NCLN: variants seen among roughly 807,000 people sequenced by gnomAD.
NCLN encodes the protein nicalin.
Under a neutral mutation model 69.5 loss-of-function variants are expected in NCLN, and 34 were observed. The ratio of observed to expected loss-of-function variants is 0.49; its 90% confidence interval spans 0.37 to 0.65. NCLN has a LOEUF of 0.65. NCLN is among the 30% of genes least tolerant of loss of function. The pLI is 0.00. For missense variants in NCLN, 710 were observed against 804.8 expected (o/e 0.88, Z 1.42); for synonymous variants, 393 against 358.3 (o/e 1.10, Z -1.09).
At chr19:3,194,336 T>C (rs1599351635) in intron 3 of NCLN, among the ~76,000 whole-genome samples, 1 of 151,926 alleles carries the variant, frequency 6.6e-6, no homozygotes. Flanking sequence ...TGAGCTGAGG[T>C]CACACCATTG....
intron 1 of NCLN, among the ~76,000 whole-genome samples, chr19:3,189,697 C>T (rs1568309240): frequency 6.6e-6 from 1 of 152,362 alleles, no homozygotes; most frequent in South Asian, 2.1e-4. Context: ...CGCAGAGGGC[C>T]GTGTCCACAC....
At chr19:3,194,462 A>G (rs369083361) in intron 3 of NCLN, among the ~76,000 whole-genome samples, 5 of 152,134 alleles carry the variant, frequency 3.3e-5, no homozygotes, top group Non-Finnish European at 7.4e-5. Context: ...GCCAGGGGCC[A>G]CCTGTTTTTG....
At chr19:3,192,820 C>T (rs994132470) in intron 2 of NCLN, among the ~76,000 whole-genome samples, 160 bp downstream of exon 2, 1 of 152,188 alleles carries the variant, frequency 6.6e-6, no homozygotes, top group Admixed American at 6.5e-5. Flanking sequence ...GTGATTCTGT[C>T]TTCAGAGGAC....
chr19:3,199,849 C>T (rs1435434301), intron 5 of NCLN, among the ~76,000 whole-genome samples: 1 of 151,732 alleles, frequency 6.6e-6, no homozygotes, highest in Non-Finnish European at 1.5e-5. Flanking sequence ...CACAGGCACC[C>T]GCCACCACAC....
At chr19:3,193,246 C>T (rs1915876197) in intron 2 of NCLN, 38 bp from the exon 3 acceptor site, 2 of 1,558,128 alleles carry the variant, frequency 1.3e-6, no homozygotes, top group East Asian at 5.0e-5. Flanking sequence ...CCACCCCCAC[C>T]AGGCCAGCAG....
intron 1 of NCLN, 52 bp downstream of exon 1, chr19:3,186,266 A>C: frequency 7.1e-7 from 1 of 1,400,542 alleles, no homozygotes; most frequent in Non-Finnish European, 9.3e-7. Flanking sequence ...CGGCCACGCC[A>C]CTCCGGCCCG....
intron 12 of NCLN, among the ~76,000 whole-genome samples, chr19:3,206,778 C>T (rs1348445446): frequency 6.6e-6 from 1 of 152,198 alleles, no homozygotes; most frequent in Non-Finnish European, 1.5e-5. Context: ...GGAGACCAAC[C>T]TGGGCAACAT....
At position 3,207,438 on chromosome 19, in the gene NCLN, C is replaced by T; in HGVS notation, c.1601C>T (p.Ala534Val). 1 of 1,613,048 alleles carries T rather than the reference C, an allele frequency of 6.2e-7. No homozygotes were observed. The highest frequency in any genetic ancestry group is 1.1e-5 in the South Asian group (1 of 91,086). ...FDLLLAVGIA[A>V]YLGMAYVAVQ... Reference sequence around the variant, plus strand: ...CTGCTCCTGGCTGTTGGCATTGCTGCCTACCTCGGCATGGCCTACGTGGCT... The same window carrying T: ...CTGCTCCTGGCTGTTGGCATTGCTGTCTACCTCGGCATGGCCTACGTGGCT... Residue 534 changes from alanine (A) to valine (V), a missense_variant, in exon 14 of 15, where the codon GCC (alanine) becomes GTC (valine). Transcript: ENST00000246117.
chr19:3,194,274 T>C (rs535574523), intron 3 of NCLN, among the ~76,000 whole-genome samples: 19 of 152,144 alleles, frequency 1.2e-4, no homozygotes, highest in African/African-American at 4.1e-4. Context: ...TTCCAGCAAC[T>C]TGGGAGGCTG....
At chr19:3,192,760 C>T (rs1915860977) in intron 2 of NCLN, 100 bp downstream of exon 2, 1 of 1,132,778 alleles carries the variant, frequency 8.8e-7, no homozygotes, top group Admixed American at 3.3e-5. Context: ...CTCTCTGAGC[C>T]CTTTGGAAAG....
Position 3,207,771 on chromosome 19 carries a change from G to T in NCLN, c.*83G>T. 7.8e-7 allele frequency: 1 copy of T among 1,280,414 alleles called. No homozygotes were observed. The highest frequency in any genetic ancestry group is 1.2e-5 in the South Asian group (1 of 80,864). The allele number at this position is 1,280,414 out of a possible 1,614,324, so 79.3% of individuals were successfully genotyped here. ...GAGTGAGTGGACACTGCCCCGCCGC[G>T]GGCGGCCCTGCAGGGACAGGGGCCC... On this transcript the variant is annotated 3_prime_UTR_variant, in exon 15 of 15. Transcript: ENST00000246117.
Position 3,193,298 on chromosome 19 carries a change from C to T in NCLN, c.390C>T (p.Ile130=), listed in dbSNP as rs76704462. 1.0e-3 allele frequency: 1,607 copies of T among 1,611,944 alleles called. 7 individuals carry two copies. In the African/African-American group the frequency reaches 0.018, roughly 18 times the overall value. ...CTGCTCCACAGCAATTCATGGAGAT[C>T]GAGCCGGAGATGCTGGCCATGGAGA... The part of the protein sequence containing the change: ...PQDVVRQFME[I]EPEMLAMETA... Residue 130 remains isoleucine (I), a synonymous_variant, in exon 3 of 15, where the codon ATC becomes ATT. Coordinates refer to ENST00000246117, the MANE Select transcript of NCLN (RefSeq NM_020170.4).
At chr19:3,196,593 C>G (rs900891554) in intron 4 of NCLN, among the ~76,000 whole-genome samples, 1 of 152,130 alleles carries the variant, frequency 6.6e-6, no homozygotes, top group African/African-American at 2.4e-5. Flanking sequence ...GCTGCCCCTC[C>G]CAGGAAGCCC....
chr19:3,196,309 C>G, intron 4 of NCLN, 32 bp downstream of exon 4: 1 of 1,476,660 alleles, frequency 6.8e-7, no homozygotes, highest in Non-Finnish European at 9.2e-7. Context: ...GCCAGCCCCA[C>G]GTCCCCAGGG....
Position 3,206,162 on chromosome 19 carries a change from C to A in NCLN, c.1307C>A (p.Pro436Gln). Residue 436 changes from proline (P) to glutamine (Q), a missense_variant, in exon 11 of 15, where the codon CCA (proline) becomes CAA (glutamine). Transcript: ENST00000246117. ...IYNLTEKGTPPDMPVFTEQMQ... is the reference protein window; with the variant it reads ...IYNLTEKGTPQDMPVFTEQMQ... ...CTCCTCTCTCCGCAGGGGACACCCC[C>A]AGACATGCCGGTGTTCACAGAGCAG... The A allele has an allele frequency of 6.6e-7, 1 of 1,509,542 alleles. No homozygotes were observed. The highest frequency in any genetic ancestry group is 8.9e-7 in the Non-Finnish European group (1 of 1,129,378). 93.5% of individuals were successfully genotyped at this position (1,509,542 alleles called of 1,614,324 possible). A position where few individuals can be genotyped will look rare whatever the true frequency, so the allele number is the denominator to read the frequency against.
Position 3,206,134 on chromosome 19 carries a change from C to T in NCLN, c.1297-18C>T, listed in dbSNP as rs1050825317. The T allele has an allele frequency of 2.0e-6, 3 of 1,536,962 alleles. No homozygotes were observed. Among genetic ancestry groups the T allele is most frequent in the East Asian group, 2.4e-5 (1 of 41,174 alleles). On this transcript the variant is annotated intron_variant, in intron 10 of 14. Coordinates refer to ENST00000246117, the MANE Select transcript of NCLN (RefSeq NM_020170.4). ...TGCAGGGGCCTGGACTCAGGGCCAT[C>T]CCCTCCTCTCTCCGCAGGGGACACC... is the stretch of plus-strand genomic sequence containing the variant.
At chr19:3,194,681 A>G (rs759792314) in intron 3 of NCLN, among the ~76,000 whole-genome samples, 3 of 152,116 alleles carry the variant, frequency 2.0e-5, no homozygotes, top group African/African-American at 4.8e-5. Context: ...GTGGTAATAG[A>G]AGAGTATAGT....
chr19:3,202,872 G>A (rs1916163831), intron 6 of NCLN, among the ~76,000 whole-genome samples: 1 of 152,108 alleles, frequency 6.6e-6, no homozygotes, highest in Non-Finnish European at 1.5e-5. Flanking sequence ...GGGGCTTCTT[G>A]GCAGCTGGGG....
chr19:3,191,480 TA>T (rs1568309958), intron 1 of NCLN, among the ~76,000 whole-genome samples: 1 of 152,206 alleles, frequency 6.6e-6, no homozygotes, highest in African/African-American at 2.4e-5. Flanking sequence ...CCTGGATTTC[TA>T]GAAAGCTTAC....
Sources: allele counts gnomAD v4.1 joint callset (sites outside exome capture counted in the v4.1 genomes callset), GRCh38; gene constraint gnomAD v4.1.1; transcripts MANE v1.5; gene names NCBI Gene and HGNC (gene_info 2026-07-23, HGNC 2026-07-21).